The following SPAG16 variants were observed in gnomAD, a reference collection of about 807,000 sequenced individuals.
SPAG16 encodes the protein sperm associated antigen 16.
In SPAG16, 86 loss-of-function variants were observed where a neutral mutation model predicts 80.4. The observed-to-expected ratio is 1.07, with a 90% CI of 0.90 to 1.28. SPAG16 has a LOEUF of 1.28. Among genes scored for constraint, SPAG16 ranks in the 50% most tolerant of loss-of-function variants. The probability of loss-of-function intolerance (pLI) is 0.00; values close to 1 mark genes in which losing one functional copy is unlikely to be tolerated. For missense variants in SPAG16, 870 were observed against 765.3 expected, an observed-to-expected ratio of 1.14 and a Z score of -1.61; for synonymous variants, 294 against 265.9, an observed-to-expected ratio of 1.11 and a Z score of -1.03.
intron 15 of SPAG16, among the ~76,000 whole-genome samples, chr2:214,169,670 A>G (rs929172217): frequency 2.0e-5 from 3 of 152,090 alleles, no homozygotes; most frequent in Non-Finnish European, 4.4e-5. Flanking sequence ...AGAGACATAT[A>G]TACAACATTA....
At chr2:213,550,587 C>A (rs1166706255) in intron 10 of SPAG16, among the ~76,000 whole-genome samples, 1 of 152,042 alleles carries the variant, frequency 6.6e-6, no homozygotes, top group Non-Finnish European at 1.5e-5. Context: ...CTCAAGTATA[C>A]TTTTTTATCT....
rs1339638192 is a variant in SPAG16, at chr2:214,356,641, G to C, written c.1721-53499G>C. 4.0e-5 allele frequency among the ~76,000 whole-genome samples: 6 copies of C among 151,806 alleles called. No individual in the cohort carries two copies. In the East Asian group the frequency reaches 1.2e-3, roughly 29 times the overall value. On this transcript the variant is annotated intron_variant, in intron 15 of 15. Coordinates refer to ENST00000331683, the MANE Select transcript of SPAG16 (RefSeq NM_024532.5). ...TTTGCTTCTTCTAGCAGTTACTCTA[G>C]AAATTTCAACATAAACATTTACCGT... is the stretch of plus-strand genomic sequence containing the variant.
chr2:213,533,788 T>G (rs889827564), intron 10 of SPAG16, among the ~76,000 whole-genome samples: 27 of 152,268 alleles, frequency 1.8e-4, no homozygotes, highest in African/African-American at 5.1e-4. Context: ...TCAATGATAA[T>G]TGCTATTAGT....
At chr2:214,031,089 G>A (rs1449599242) in intron 13 of SPAG16, among the ~76,000 whole-genome samples, 1 of 151,932 alleles carries the variant, frequency 6.6e-6, no homozygotes, top group Non-Finnish European at 1.5e-5. Context: ...ATCTACTTTT[G>A]GTCTTTGATG....
At chr2:214,117,421 T>A (rs1240606096) in intron 14 of SPAG16, among the ~76,000 whole-genome samples, 1 of 151,954 alleles carries the variant, frequency 6.6e-6, no homozygotes, top group Non-Finnish European at 1.5e-5. Flanking sequence ...ACCAAACATG[T>A]AAAAAAAGAG....
intron 15 of SPAG16, among the ~76,000 whole-genome samples, chr2:214,291,443 C>A (rs1022983476): frequency 2.0e-5 from 3 of 148,048 alleles, no homozygotes; most frequent in African/African-American, 7.4e-5. Flanking sequence ...GTAGCTGGGA[C>A]TACAGGCGCC....
At chr2:213,575,854 C>A (rs567535729) in intron 10 of SPAG16, among the ~76,000 whole-genome samples, 1 of 152,206 alleles carries the variant, frequency 6.6e-6, no homozygotes, top group Admixed American at 6.5e-5. Context: ...ATCATTCTTG[C>A]ATTGTAAAAT....
chr2:213,677,840 G>T (rs969624112), intron 10 of SPAG16, among the ~76,000 whole-genome samples: 12 of 151,950 alleles, frequency 7.9e-5, no homozygotes, highest in Admixed American at 1.3e-4. Flanking sequence ...ACACCACACC[G>T]ATTCCAAAAT....
intron 11 of SPAG16, among the ~76,000 whole-genome samples, chr2:213,891,543 G>A (rs2076785590): frequency 6.6e-6 from 1 of 151,888 alleles, no homozygotes; most frequent in Non-Finnish European, 1.5e-5. Flanking sequence ...GTCTTAGCTG[G>A]TATTCAAAGA....
chr2:213,512,966 G>C (rs530765423), intron 10 of SPAG16, among the ~76,000 whole-genome samples: 21 of 151,902 alleles, frequency 1.4e-4, no homozygotes, highest in Non-Finnish European at 2.5e-4. Flanking sequence ...TTGTCAGCAG[G>C]GTAGTTCTTT....
chr2:214,332,546 T>G (rs1696996189), intron 15 of SPAG16, among the ~76,000 whole-genome samples: 1 of 152,164 alleles, frequency 6.6e-6, no homozygotes, highest in Non-Finnish European at 1.5e-5. Flanking sequence ...TCCATATCCA[T>G]TACATGAGGC....
intron 15 of SPAG16, among the ~76,000 whole-genome samples, chr2:214,344,053 C>G (rs574797839): frequency 6.6e-6 from 1 of 152,188 alleles, no homozygotes; most frequent in South Asian, 2.1e-4. Context: ...TCTTTTTTCT[C>G]AACCCTCATA....
intron 15 of SPAG16, among the ~76,000 whole-genome samples, chr2:214,195,303 T>TGATAGATA (rs78351450): frequency 0.027 from 3,896 of 146,734 alleles, 73 homozygotes; most frequent in South Asian, 0.05. Context: ...AGATGAGAGA[T>TGATAGATA]GATAGATAGA....
At position 214,149,077 on chromosome 2, in the gene SPAG16, G is replaced by GTATATATATATATATATATATA. The variant is rs1553515469; in HGVS notation, c.1594-43_1594-42insTATATATATATATATATATATA. 6.1e-3 allele frequency: 1,469 copies of GTATATATATATATATATATATA among 239,792 alleles called. 18 individuals are homozygous for GTATATATATATATATATATATA. The highest frequency in any genetic ancestry group is 6.6e-3 in the Non-Finnish European group (915 of 138,564). The allele number at this position is 239,792 out of a possible 1,614,324, so 14.9% of individuals were successfully genotyped here. A position where few individuals can be genotyped will look rare whatever the true frequency, so the allele number is the denominator to read the frequency against. On this transcript the variant is annotated intron_variant, in intron 14 of 15. Transcript: ENST00000331683. ...TGTATATATATATGTGTGTGTGTGT[G>GTATATATATATATATATATATA]TATATATATATATATATATACATAC...
chr2:214,389,465 C>T (rs1251681766), intron 15 of SPAG16, among the ~76,000 whole-genome samples: 4 of 151,706 alleles, frequency 2.6e-5, no homozygotes, highest in Admixed American at 6.6e-5. Flanking sequence ...AGCATGAAAG[C>T]AGATACCTTT....
chr2:213,943,425 A>G (rs577709182), intron 12 of SPAG16, among the ~76,000 whole-genome samples: 1 of 152,336 alleles, frequency 6.6e-6, no homozygotes, highest in East Asian at 1.9e-4. Flanking sequence ...ATGTAATGTC[A>G]GCAGAAATAT....
chr2:213,801,770 G>C (rs560958355), intron 10 of SPAG16, among the ~76,000 whole-genome samples: 1 of 152,258 alleles, frequency 6.6e-6, no homozygotes, highest in African/African-American at 2.4e-5. Flanking sequence ...CTGAATTTAC[G>C]TGTCAATATG....
At chr2:213,285,828 A>C in intron 1 of SPAG16, 1 of 1,097,964 alleles carries the variant, frequency 9.1e-7, no homozygotes, top group Non-Finnish European at 1.2e-6. Flanking sequence ...TAGATGTAAC[A>C]GGCAGTCTTT....
chr2:214,030,265 A>G (rs551796532), intron 13 of SPAG16, among the ~76,000 whole-genome samples: 1 of 152,134 alleles, frequency 6.6e-6, no homozygotes, highest in Non-Finnish European at 1.5e-5. Flanking sequence ...ACTTAGCACA[A>G]TGTCTTCCAG....
Sources: gnomAD v4.1 joint callset for allele counts (sites outside exome capture counted in the v4.1 genomes callset) on GRCh38, gnomAD v4.1.1 for gene constraint, MANE v1.5 for transcripts, NCBI Gene and HGNC (gene_info 2026-07-23, HGNC 2026-07-21) for gene names.